SF3B3: variants seen among roughly 807,000 people sequenced by gnomAD.
The protein encoded by SF3B3 is SAP 130.
Under a neutral mutation model 139.2 loss-of-function variants are expected in SF3B3, and 33 were observed. The ratio of observed to expected loss-of-function variants is 0.24; its 90% CI spans 0.18 to 0.32. SF3B3 has a LOEUF of 0.32. Ranked by LOEUF, SF3B3 falls within the 10% of genes least tolerant of loss-of-function variation. The pLI, the probability that SF3B3 is intolerant of heterozygous loss-of-function variation, is 1.00. For missense variants in SF3B3, 818 were observed against 1,509.4 expected (o/e 0.54, Z 7.59); for synonymous variants, 596 against 563.6 (o/e 1.06, Z -0.81).
intron 6 of SF3B3, among the ~76,000 whole-genome samples, chr16:70,537,109 A>G (rs896732446): frequency 6.6e-6 from 1 of 152,150 alleles, no homozygotes; most frequent in Non-Finnish European, 1.5e-5. Flanking sequence ...GCGCCTGGCC[A>G]GCTAATTCTC....
intron 9 of SF3B3, among the ~76,000 whole-genome samples, chr16:70,543,826 T>C (rs1479395322): frequency 1.3e-5 from 2 of 151,640 alleles, no homozygotes; most frequent in African/African-American, 4.8e-5. Context: ...CCGATCTGAA[T>C]AATGTTTTAC....
At position 70,565,509 on chromosome 16, in the gene SF3B3, G is replaced by A; in HGVS notation, c.2811G>A (p.Leu937=). Residue 937 remains leucine (L), a synonymous_variant, in exon 20 of 26, where the codon CTG becomes CTA. Transcript: ENST00000302516. ...TYKLVNNGEK[L]EFLHKTPVEE... ...AGCTTGTGAACAATGGGGAAAAACT[G>A]GAGTTTTTGCACAAGGTAGGAATCT... The A allele has an allele frequency of 1.2e-6, 2 of 1,613,716 alleles. No individual in the cohort carries two copies. Among genetic ancestry groups the A allele is most frequent in the South Asian group, 2.2e-5 (2 of 91,042 alleles).
chr16:70,559,208 G>C lies in SF3B3; in HGVS notation c.2011-1261G>C, dbSNP rs892140574. 4.6e-5 allele frequency among the ~76,000 whole-genome samples: 7 copies of C among 152,140 alleles called. No individual in the cohort carries two copies. The East Asian group carries it at 1.2e-3, about 25-fold the overall frequency. ...GTTGGAAAATGATTTATTTCTTTTT[G>C]GATTTAATTAGTTGGAATTCTAAAG... On this transcript the variant is annotated intron_variant, in intron 15 of 25. Coordinates refer to ENST00000302516, the MANE Select transcript of SF3B3 (RefSeq NM_012426.5).
In SF3B3 at chr16:70,565,518, G is replaced by A. The variant is rs558768527; in HGVS notation, c.2820G>A (p.Leu940=). 2.8e-5 allele frequency: 45 copies of A among 1,613,420 alleles called. No individual in the cohort carries two copies. The South Asian group carries it at 4.8e-4, about 17-fold the overall frequency. The part of the protein sequence containing the change: ...LVNNGEKLEF[L]HKTPVEEVPA... Reference sequence around the variant, plus strand: ...ACAATGGGGAAAAACTGGAGTTTTTGCACAAGGTAGGAATCTGCCAGTGGT... The same window carrying A: ...ACAATGGGGAAAAACTGGAGTTTTTACACAAGGTAGGAATCTGCCAGTGGT... The change falls in exon 20 of 26, where the codon TTG becomes TTA. Residue 940 remains leucine (L), a synonymous_variant. Transcript: ENST00000302516.
chr16:70,566,454 C>G (rs1037433383), intron 20 of SF3B3, among the ~76,000 whole-genome samples: 1 of 151,758 alleles, frequency 6.6e-6, no homozygotes, highest in Non-Finnish European at 1.5e-5. Flanking sequence ...CCTAGCTATT[C>G]CAGAGGCTAA....
chr16:70,560,636 G>A (rs2050419994), intron 16 of SF3B3, 45 bp downstream of exon 16: 1 of 1,603,016 alleles, frequency 6.2e-7, no homozygotes, highest in Non-Finnish European at 8.5e-7. Flanking sequence ...TGGGATTTTA[G>A]TGGCACCATC....
At chr16:70,558,946 G>A (rs997065151) in intron 15 of SF3B3, among the ~76,000 whole-genome samples, 2 of 152,130 alleles carry the variant, frequency 1.3e-5, no homozygotes, top group African/African-American at 4.8e-5. Context: ...CTATAGTATC[G>A]GATATTGCAG....
In SF3B3 at chr16:70,555,220, T is replaced by G; in HGVS notation, c.1710+14T>G. 2 of 1,611,652 alleles carry G rather than the reference T, an allele frequency of 1.2e-6. No individual in the cohort carries two copies. The highest frequency in any genetic ancestry group is 1.7e-6 in the Non-Finnish European group (2 of 1,177,882). The stretch of plus-strand genomic sequence containing the variant: ...GAGATGGATCCTGTATGTTATTTTA[T>G]CATTCACTGTGGGACTTATTGTAGG... On this transcript the variant is annotated intron_variant, in intron 13 of 25. Transcript: ENST00000302516.
At chr16:70,528,473 T>TG (rs2050087845) in intron 2 of SF3B3, among the ~76,000 whole-genome samples, 8 of 148,944 alleles carry the variant, frequency 5.4e-5, no homozygotes, top group African/African-American at 1.7e-4. Context: ...CCTTTTTTTT[T>TG]TTTTTTTTTT....
chr16:70,530,719 G>A lies in SF3B3; in HGVS notation c.398-26G>A, dbSNP rs200788579. 1,247 of 1,585,524 alleles carry A rather than the reference G, an allele frequency of 7.9e-4. 1 individual carries two copies. Among genetic ancestry groups the A allele is most frequent in the Non-Finnish European group, 1.0e-3 (1,172 of 1,164,376 alleles). ...TCTCTTCTCATTATCTGGGAATCTT[G>A]TATGTTTTATCTCCTTCAACTACAG... On this transcript the variant is annotated intron_variant, in intron 3 of 25. Transcript: ENST00000302516.
In SF3B3 at chr16:70,572,432, A is replaced by C. The variant is rs1597726565; in HGVS notation, c.*619A>C. ...GACTTGCGGCACTCTGTGGCTCCCC[A>C]CCCCCAGGTCTGTGGTGGTTTCTTT... On this transcript the variant is annotated 3_prime_UTR_variant, in exon 26 of 26. Coordinates refer to ENST00000302516, the MANE Select transcript of SF3B3 (RefSeq NM_012426.5). 1 of 187,214 alleles carries C rather than the reference A, an allele frequency of 5.3e-6. No homozygotes were observed. Among genetic ancestry groups the C allele is most frequent in the Non-Finnish European group, 1.1e-5 (1 of 90,750 alleles). 11.6% of individuals were successfully genotyped at this position (187,214 alleles called of 1,614,324 possible).
chr16:70,540,757 T>C (rs1388405218), intron 8 of SF3B3, among the ~76,000 whole-genome samples: 1 of 152,096 alleles, frequency 6.6e-6, no homozygotes, highest in African/African-American at 2.4e-5. Context: ...AGAAAAAGAT[T>C]CATGTTTTGG....
At chr16:70,525,971 A>G (rs1365520256) in intron 1 of SF3B3, among the ~76,000 whole-genome samples, 2 of 142,924 alleles carry the variant, frequency 1.4e-5, no homozygotes, top group African/African-American at 2.6e-5. Flanking sequence ...AAAAAAAAAA[A>G]AAAAAAAAAG....
chr16:70,524,032 C>T (rs1250201545), intron 1 of SF3B3, 104 bp downstream of exon 1: 43 of 401,450 alleles, frequency 1.1e-4, no homozygotes, highest in Non-Finnish European at 1.4e-4. Flanking sequence ...AGTCTAGGCC[C>T]GAGAGGCTGG....
intron 7 of SF3B3, among the ~76,000 whole-genome samples, chr16:70,538,878 C>T (rs2050193085): frequency 6.6e-6 from 1 of 152,172 alleles, no homozygotes; most frequent in Admixed American, 6.6e-5. Flanking sequence ...ATACTTGCAG[C>T]TTTTGTGAGC....
intron 3 of SF3B3, 24 bp from the exon 4 acceptor site, chr16:70,530,721 A>G: frequency 6.3e-7 from 1 of 1,588,024 alleles, no homozygotes; most frequent in South Asian, 1.1e-5. Context: ...GGAATCTTGT[A>G]TGTTTTATCT....
chr16:70,559,921 C>CG lies in SF3B3; in HGVS notation c.2011-541dup, dbSNP rs60485428. Among the ~76,000 whole-genome samples the CG allele has an allele frequency of 2.0e-3, 297 of 151,176 alleles. 5 individuals carry two copies. Among genetic ancestry groups the CG allele is most frequent in the Non-Finnish European group, 9.0e-4 (61 of 67,800 alleles). ...CTGGCTTCTTTTTTTTTGAGGGGTG[C>CG]GGGGGGGTGGTAAATTGACTCATTC... On this transcript the variant is annotated intron_variant, in intron 15 of 25. Coordinates refer to ENST00000302516, the MANE Select transcript of SF3B3 (RefSeq NM_012426.5).
chr16:70,557,045 G>T lies in SF3B3; in HGVS notation c.2010+16G>T. 6.3e-6 allele frequency: 10 copies of T among 1,590,472 alleles called. No homozygotes were observed. Among genetic ancestry groups the T allele is most frequent in the Non-Finnish European group, 8.5e-6 (10 of 1,171,086 alleles). On this transcript the variant is annotated intron_variant, in intron 15 of 25. Transcript: ENST00000302516. ...TGGGCTACAGGTAAGAGATCCAGAG[G>T]CCCACATTGTGGACATTAGGCCTTC...
At chr16:70,556,506 C>T (rs990537259) in intron 14 of SF3B3, 172 bp downstream of exon 14, 35 of 704,568 alleles carry the variant, frequency 5.0e-5, no homozygotes, top group Non-Finnish European at 1.2e-5. Flanking sequence ...CAGGAGTTTC[C>T]TGCTGTGGTT....
Sources: allele counts gnomAD v4.1 joint callset (sites outside exome capture counted in the v4.1 genomes callset), GRCh38; gene constraint gnomAD v4.1.1; transcripts MANE v1.5; gene names NCBI Gene and HGNC (gene_info 2026-07-23, HGNC 2026-07-21).